Variants in NOTCH3 observed in about 807,000 individuals in gnomAD.
The protein encoded by NOTCH3 is neurogenic locus notch homolog protein 3.
NOTCH3 carries 86 observed loss-of-function variants against 213.3 expected under a neutral mutation model. The observed-to-expected ratio is 0.40, with a 90% confidence interval of 0.34 to 0.48. The LOEUF is 0.48. NOTCH3 is among the 20% of genes least tolerant of loss of function. The pLI, the probability that NOTCH3 is intolerant of heterozygous loss-of-function variation, is 0.57. For missense variants in NOTCH3, 2,783 were observed against 3,272.6 expected (o/e 0.85, Z 3.65); for synonymous variants, 1,354 against 1,355.9 (o/e 1.00, Z 0.03).
At chr19:15,192,665 A>AAAGTTCTGG in intron 2 of NOTCH3, 146 bp from the exon 3 acceptor site, 1 of 1,236,602 alleles carries the variant, frequency 8.1e-7, no homozygotes, top group Non-Finnish European at 1.1e-6. Context: ...CTGTAATCCC[A>AAAGTTCTGG]GAACTTTGGG....
At position 15,200,793 on chromosome 19, in the gene NOTCH3, GC is replaced by G. The variant is rs1445073298; in HGVS notation, c.112del (p.Ala38LeufsTer198). On this transcript the variant is annotated frameshift_variant, in exon 1 of 33. Transcript: ENST00000263388. LOFTEE classifies it high-confidence loss of function. ...GCCAGGTCCCGGCCCCTCACCTGCA[GC>G]CCCCGGCCCCGCTAGCAGCAGCAGC... ...PLLLLLAGPGAAAPPCLDGSP... is the reference protein window; with the variant it reads ...PLLLLLAGPGXAAPPCLDGSP... The G allele has an allele frequency of 3.7e-5, 47 of 1,277,864 alleles. No homozygotes were observed. The highest frequency in any genetic ancestry group is 3.3e-4 in the South Asian group (12 of 36,170). The allele number at this position is 1,277,864 out of a possible 1,614,324, so 79.2% of individuals were successfully genotyped here.
At chr19:15,200,493 C>T (rs1324657904) in intron 1 of NOTCH3, among the ~76,000 whole-genome samples, 2 of 151,952 alleles carry the variant, frequency 1.3e-5, no homozygotes, top group African/African-American at 4.8e-5. Flanking sequence ...GAACTCTGTA[C>T]GCACCCCCCC....
chr19:15,177,861 G>A lies in NOTCH3; in HGVS notation c.4067C>T (p.Ala1356Val). The A allele has an allele frequency of 8.2e-7, 1 of 1,222,564 alleles. No homozygotes were observed. The highest frequency in any genetic ancestry group is 4.4e-5 in the Admixed American group (1 of 22,734). The allele number at this position is 1,222,564 out of a possible 1,614,324, so 75.7% of individuals were successfully genotyped here. ...CGCGCAAGCGCAGCGGAAGAAGGGC[G>A]CGAGCGGCGCGGGGCGGCAGGAGCC... ...HGGSCRPAPL[A>V]PFFRCACAQG... Residue 1356 changes from alanine to valine, a missense_variant, in exon 24 of 33, where the codon GCG (alanine) becomes GTG (valine). Transcript: ENST00000263388.
chr19:15,184,851 A>G, intron 15 of NOTCH3, 55 bp downstream of exon 15: 2 of 995,590 alleles, frequency 2.0e-6, no homozygotes, highest in South Asian at 1.4e-5. Flanking sequence ...CATCCCTGAT[A>G]GGGTAGGGGG....
In NOTCH3 at chr19:15,159,899, G is replaced by GC. The variant is rs2046625315; in HGVS notation, c.*762dup. ...CCCTGGCTCCCATTTCCCACCAGCA[G>GC]CCCCCTAGTTCCCAAAGGGAGATGG... On this transcript the variant is annotated 3_prime_UTR_variant, in exon 33 of 33. Coordinates refer to ENST00000263388, the MANE Select transcript of NOTCH3 (RefSeq NM_000435.3). 1 of 233,784 alleles carries GC rather than the reference G, an allele frequency of 4.3e-6. No homozygotes were observed. The allele number at this position is 233,784 out of a possible 1,614,324, so 14.5% of individuals were successfully genotyped here. A position where few individuals can be genotyped will look rare whatever the true frequency, so the allele number is the denominator to read the frequency against.
At chr19:15,183,906 G>T (rs1332180659) in intron 16 of NOTCH3, among the ~76,000 whole-genome samples, 2 of 151,890 alleles carry the variant, frequency 1.3e-5, no homozygotes, top group Non-Finnish European at 2.9e-5. Flanking sequence ...CAAAATATTA[G>T]CTGGGCGCTG....
At position 15,161,487 on chromosome 19, in the gene NOTCH3, C is replaced by G. The variant is rs956342271; in HGVS notation, c.6141G>C (p.Gly2047=). The G allele has an allele frequency of 5.7e-6, 9 of 1,583,246 alleles. No homozygotes were observed. In the African/African-American group the frequency reaches 1.1e-4, roughly 19 times the overall value. The change falls in exon 33 of 33, where the codon GGG becomes GGC. Residue 2047 remains glycine, a synonymous_variant. Coordinates refer to ENST00000263388, the MANE Select transcript of NOTCH3 (RefSeq NM_000435.3). The part of the protein sequence containing the change: ...HGLGPLLCPP[G]AFLPGLKAAQ... ...CCGCTTTGAGGCCAGGGAGGAAGGC[C>G]CCTGGAGGACAGAGCAGAGGCCCCA...
chr19:15,197,463 C>G, intron 2 of NOTCH3, 37 bp downstream of exon 2: 2 of 1,439,730 alleles, frequency 1.4e-6, no homozygotes, highest in East Asian at 2.3e-5. Flanking sequence ...CGCCCCCACA[C>G]ACAGGGCCCA....
At chr19:15,167,210 G>C (rs2046692940) in intron 29 of NOTCH3, 39 bp downstream of exon 29, 1 of 1,599,328 alleles carries the variant, frequency 6.3e-7, no homozygotes, top group Non-Finnish European at 8.6e-7. Context: ...AGGTAGGATG[G>C]GTGAGGGGCA....
intron 11 of NOTCH3, 42 bp downstream of exon 11, chr19:15,187,063 C>A (rs1406977407): frequency 1.2e-6 from 2 of 1,605,616 alleles, no homozygotes; most frequent in Non-Finnish European, 1.7e-6. Flanking sequence ...ACCCTCTGTG[C>A]CCCTCCAGGT....
chr19:15,185,206 G>A lies in NOTCH3; in HGVS notation c.2296+51C>T, dbSNP rs1462314198. 1 of 1,600,734 alleles carries A rather than the reference G, an allele frequency of 6.2e-7. No homozygotes were observed. Among genetic ancestry groups the A allele is most frequent in the East Asian group, 2.2e-5 (1 of 44,672 alleles). ...GGAGAGAGTAGAGGAGAAGAGAGAT[G>A]AGAAGGCCCATGGTGTTGGTGGGGC... On this transcript the variant is annotated intron_variant, in intron 14 of 32. Transcript: ENST00000263388. The surrounding 1 kb of genome is among the most constrained non-coding windows in gnomAD (Gnocchi z 4.2).
At chr19:15,163,987 G>A (rs2046665160) in intron 31 of NOTCH3, among the ~76,000 whole-genome samples, 1 of 152,202 alleles carries the variant, frequency 6.6e-6, no homozygotes, top group African/African-American at 2.4e-5. Context: ...TATATGAAAT[G>A]TCCAGAACAG....
chr19:15,184,852 G>T, intron 15 of NOTCH3, 54 bp downstream of exon 15: 1 of 1,021,792 alleles, frequency 9.8e-7, no homozygotes, highest in Non-Finnish European at 1.5e-6. Flanking sequence ...ATCCCTGATA[G>T]GGTAGGGGGC....
At position 15,170,341 on chromosome 19, in the gene NOTCH3, G is replaced by T; in HGVS notation, c.5104C>A (p.Leu1702Met). Residue 1702 changes from leucine to methionine, a missense_variant, in exon 27 of 33, where the codon CTG becomes ATG. Physicochemically the swap from Leu to Met is conservative, Grantham distance 15. Transcript: ENST00000263388. ...GRREPVGQDA[L>M]GMKNMAKGES... ...GAGCAGGGTTCTCACTTCATGCCCAGCGCGTCCTGGCCCACGGGTTCCCGC... is the reference window on the plus strand; with the variant it reads ...GAGCAGGGTTCTCACTTCATGCCCATCGCGTCCTGGCCCACGGGTTCCCGC... 6.2e-7 allele frequency: 1 copy of T among 1,613,114 alleles called. No individual in the cohort carries two copies. The highest frequency in any genetic ancestry group is 8.5e-7 in the Non-Finnish European group (1 of 1,179,786).
intron 15 of NOTCH3, 76 bp downstream of exon 15, chr19:15,184,830 A>G: frequency 1.1e-6 from 1 of 874,394 alleles, no homozygotes; most frequent in Non-Finnish European, 1.8e-6. Context: ...CCCTCTCTGG[A>G]TCCCCAGCAT....
chr19:15,200,055 C>CG (rs201971229), intron 1 of NOTCH3, among the ~76,000 whole-genome samples: 149,200 of 150,098 alleles, frequency 0.99, 74,151 homozygotes, highest in East Asian at 1. Context: ...GGAGGAGGGG[C>CG]GGGGGCCCCT....
At chr19:15,188,913 C>T (rs1002443793) in intron 8 of NOTCH3, 76 bp downstream of exon 8, 2 of 1,464,580 alleles carry the variant, frequency 1.4e-6, no homozygotes, top group Non-Finnish European at 1.9e-6. Context: ...CCCCATTCTG[C>T]TCAGCTCCCC....
chr19:15,188,930 G>T, intron 8 of NOTCH3, 59 bp downstream of exon 8: 1 of 1,533,062 alleles, frequency 6.5e-7, no homozygotes, highest in Non-Finnish European at 8.9e-7. Flanking sequence ...CCCCATCCGC[G>T]GGCTTCTCTG....
intron 6 of NOTCH3, among the ~76,000 whole-genome samples, chr19:15,189,962 T>C (rs1260401734): frequency 6.6e-6 from 1 of 152,208 alleles, no homozygotes. Context: ...CTACCAATCT[T>C]CTTTTCTAAA....
Sources: gnomAD v4.1 joint callset for allele counts (sites outside exome capture counted in the v4.1 genomes callset) on GRCh38, gnomAD v4.1.1 for gene constraint, Gnocchi (gnomAD v3.1) non-coding constraint, MANE v1.5 for transcripts, NCBI Gene and HGNC (gene_info 2026-07-23, HGNC 2026-07-21) for gene names.